SDK1: variants seen among roughly 807,000 people sequenced by gnomAD.
The protein encoded by SDK1 is protein sidekick-1.
In SDK1, 157 loss-of-function variants were observed where a neutral mutation model predicts 245.5. The ratio of observed to expected loss-of-function variants is 0.64; its 90% CI spans 0.56 to 0.73. The LOEUF (loss-of-function observed/expected upper bound fraction) is 0.73. SDK1 is among the 30% of genes least tolerant of loss of function. The pLI is 0.00. For synonymous variants in SDK1, 1,647 were observed against 1,278.5 expected, an observed-to-expected ratio of 1.29 and a Z score of -6.15; for missense variants, 3,583 against 3,002.3, an observed-to-expected ratio of 1.19 and a Z score of -4.52.
intron 4 of SDK1, among the ~76,000 whole-genome samples, chr7:3,724,475 C>A (rs1474532640): frequency 1.3e-5 from 2 of 152,034 alleles, no homozygotes; most frequent in Non-Finnish European, 2.9e-5. Flanking sequence ...TATGTCTGAG[C>A]AGTATTTGTT....
chr7:3,410,264 A>C (rs915467255), intron 1 of SDK1, among the ~76,000 whole-genome samples: 1 of 152,002 alleles, frequency 6.6e-6, no homozygotes, highest in African/African-American at 2.4e-5. Context: ...GGTCACAGTC[A>C]AAACTTCATT....
intron 17 of SDK1, among the ~76,000 whole-genome samples, chr7:4,034,861 G>A (rs143791506): frequency 2.6e-5 from 4 of 152,298 alleles, no homozygotes; most frequent in Admixed American, 6.5e-5. Flanking sequence ...GGACGAATTC[G>A]AGAACTAGAG....
At chr7:3,830,307 T>C (rs1779881965) in intron 5 of SDK1, among the ~76,000 whole-genome samples, 3 of 152,172 alleles carry the variant, frequency 2.0e-5, no homozygotes, top group Admixed American at 2.0e-4. Context: ...TCAGTAGTGA[T>C]TTGCCTAATC....
At chr7:3,621,875 A>T (rs1781953244) in intron 2 of SDK1, among the ~76,000 whole-genome samples, 1 of 152,248 alleles carries the variant, frequency 6.6e-6, no homozygotes, top group African/African-American at 2.4e-5. Context: ...TCCCCAACTT[A>T]CGATGGTTCA....
At chr7:3,858,866 C>CTTTTTTT (rs11464569) in intron 5 of SDK1, among the ~76,000 whole-genome samples, 2 of 131,366 alleles carry the variant, frequency 1.5e-5, no homozygotes. Flanking sequence ...TTTCTTTTTT[C>CTTTTTTT]TTTTTTTTTT....
At chr7:3,934,442 C>A (rs889314605) in intron 5 of SDK1, among the ~76,000 whole-genome samples, 1 of 152,212 alleles carries the variant, frequency 6.6e-6, no homozygotes, top group Non-Finnish European at 1.5e-5. Context: ...TGATTATCAG[C>A]GGACTGGAGC....
chr7:3,763,458 A>G (rs568712298), intron 4 of SDK1, among the ~76,000 whole-genome samples: 40 of 152,300 alleles, frequency 2.6e-4, no homozygotes, highest in African/African-American at 8.9e-4. Context: ...CATCGCATCT[A>G]TACATCTTCA....
At chr7:3,785,737 C>T (rs531906359) in intron 4 of SDK1, among the ~76,000 whole-genome samples, 1 of 152,252 alleles carries the variant, frequency 6.6e-6, no homozygotes, top group South Asian at 2.1e-4. Context: ...GATTATAAGA[C>T]TTCTGAGCTC....
At chr7:3,382,689 A>G (rs1012786410) in intron 1 of SDK1, among the ~76,000 whole-genome samples, 1 of 152,158 alleles carries the variant, frequency 6.6e-6, no homozygotes, top group Admixed American at 6.5e-5. Context: ...GCTTTTTCCT[A>G]TGTTGGCAAA....
intron 1 of SDK1, among the ~76,000 whole-genome samples, chr7:3,567,856 G>T (rs1274791322): frequency 6.6e-6 from 1 of 152,028 alleles, no homozygotes; most frequent in Non-Finnish European, 1.5e-5. Flanking sequence ...CTGTTGCATA[G>T]GCTGCAGTGC....
intron 4 of SDK1, among the ~76,000 whole-genome samples, chr7:3,642,606 C>A (rs923852602): frequency 1.3e-5 from 2 of 152,130 alleles, no homozygotes; most frequent in Non-Finnish European, 2.9e-5. Context: ...TTCTCTTCAT[C>A]TAATTAGTGG....
At position 4,135,123 on chromosome 7, in the gene SDK1, C is replaced by G. The variant is rs200627162; in HGVS notation, c.4228+2700C>G. Among the ~76,000 whole-genome samples, 14 of 152,336 alleles carry G rather than the reference C, an allele frequency of 9.2e-5. No individual in the cohort carries two copies. In the East Asian group the frequency reaches 2.7e-3, roughly 29 times the overall value. On this transcript the variant is annotated intron_variant, in intron 28 of 44. Transcript: ENST00000404826. ...CCCATCAGCTGGTTTTATCATCTGT[C>G]GTTTACTTTCCAGACTGTCTCTGAC...
intron 40 of SDK1, among the ~76,000 whole-genome samples, chr7:4,230,308 TGAAG>T (rs941934138): frequency 6.1e-5 from 9 of 147,696 alleles, no homozygotes; most frequent in African/African-American, 2.3e-4. Flanking sequence ...AATGAATTGA[TGAAG>T]GAAGGATGAA....
chr7:3,378,029 T>A (rs2128566067), intron 1 of SDK1, among the ~76,000 whole-genome samples: 1 of 152,276 alleles, frequency 6.6e-6, no homozygotes, highest in South Asian at 2.1e-4. Context: ...TCCGCCTGCC[T>A]CGGCTTCCCA....
intron 36 of SDK1, among the ~76,000 whole-genome samples, chr7:4,207,045 T>A (rs935103786): frequency 2.0e-5 from 3 of 152,214 alleles, no homozygotes; most frequent in Admixed American, 6.5e-5. Flanking sequence ...TGGATATTGA[T>A]CTCAAGTTAG....
intron 5 of SDK1, among the ~76,000 whole-genome samples, chr7:3,920,300 T>C (rs1165038658): frequency 6.6e-6 from 1 of 152,068 alleles, no homozygotes; most frequent in African/African-American, 2.4e-5. Context: ...TGTAGACCAA[T>C]CTGAAGGAAA....
rs1370580502 is a variant in SDK1, at chr7:3,950,968, C to A, written c.893C>A (p.Pro298His). Residue 298 changes from proline to histidine, a missense_variant, in exon 6 of 45, where the codon CCC (proline) becomes CAC (histidine). Coordinates refer to ENST00000404826, the MANE Select transcript of SDK1 (RefSeq NM_152744.4). The stretch of plus-strand genomic sequence containing the variant: ...ACCATGGCCCCAACCATTGTGGTTC[C>A]CCCGGGCAACAGAAGTGTGGTGGCT... ...PETMAPTIVV[P>H]PGNRSVVAGS... 1.2e-6 allele frequency: 2 copies of A among 1,614,038 alleles called. No homozygotes were observed. The highest frequency in any genetic ancestry group is 1.7e-6 in the Non-Finnish European group (2 of 1,180,004).
At chr7:3,350,597 T>C (rs1188632269) in intron 1 of SDK1, among the ~76,000 whole-genome samples, 1 of 152,236 alleles carries the variant, frequency 6.6e-6, no homozygotes, top group Non-Finnish European at 1.5e-5. Context: ...TTTTTCCTAA[T>C]CAACTCTAGA....
intron 8 of SDK1, among the ~76,000 whole-genome samples, chr7:3,960,399 C>A (rs571466516): frequency 5.2e-4 from 80 of 152,410 alleles, no homozygotes; most frequent in African/African-American, 1.8e-3. Flanking sequence ...TAGCTTCCCC[C>A]AGGACCTGAA....
Sources: allele counts gnomAD v4.1 joint callset (sites outside exome capture counted in the v4.1 genomes callset), GRCh38; gene constraint gnomAD v4.1.1; transcripts MANE v1.5; gene names NCBI Gene and HGNC (gene_info 2026-07-23, HGNC 2026-07-21).